RAB39A: variants seen among roughly 807,000 people sequenced by gnomAD.
RAB39A encodes RAB39A, member RAS oncogene family, also known as ras-related protein Rab-39A.
In RAB39A, 17 loss-of-function variants were observed where a neutral mutation model predicts 20.9. The observed-to-expected ratio is 0.81, with a 90% CI of 0.56 to 1.22. The LOEUF is 1.22. Ranked by LOEUF, RAB39A falls within the 50% of genes most tolerant of loss-of-function variation. The pLI, the probability that RAB39A is intolerant of heterozygous loss-of-function variation, is 0.00. For missense variants in RAB39A, 234 were observed against 270.5 expected (o/e 0.87, Z 0.95); for synonymous variants, 99 against 103.4 (o/e 0.96, Z 0.26).
intron 1 of RAB39A, among the ~76,000 whole-genome samples, chr11:107,930,897 C>A (rs762713340): frequency 9.6e-4 from 144 of 150,654 alleles, no homozygotes; most frequent in Middle Eastern, 3.5e-3. Flanking sequence ...AACTTATTGA[C>A]AAGAAATTAA....
intron 1 of RAB39A, among the ~76,000 whole-genome samples, chr11:107,958,683 G>A (rs1048616639): frequency 2.6e-5 from 4 of 152,118 alleles, no homozygotes; most frequent in African/African-American, 7.2e-5. Flanking sequence ...TTTTTATAAT[G>A]TGTATTACAT....
chr11:107,947,982 A>G (rs1259582711), intron 1 of RAB39A, among the ~76,000 whole-genome samples: 1 of 2,126 alleles, frequency 4.7e-4, no homozygotes, highest in Non-Finnish European at 5.6e-3. Flanking sequence ...ACACACACGT[A>G]CACACACACA....
At chr11:107,947,400 C>T (rs1861330141) in intron 1 of RAB39A, among the ~76,000 whole-genome samples, 3 of 152,266 alleles carry the variant, frequency 2.0e-5, no homozygotes, top group Admixed American at 2.0e-4. Context: ...AGCCACCGCG[C>T]CTGGCCAAGA....
intron 1 of RAB39A, among the ~76,000 whole-genome samples, chr11:107,932,863 G>T (rs372252277): frequency 1.6e-4 from 25 of 151,984 alleles, no homozygotes; most frequent in African/African-American, 5.1e-4. Context: ...GGTGTGTGCC[G>T]CCATGCCCAG....
chr11:107,928,741 C>T lies in RAB39A; in HGVS notation c.173C>T (p.Pro58Leu). 1.2e-6 allele frequency: 2 copies of T among 1,608,308 alleles called. No homozygotes were observed. The highest frequency in any genetic ancestry group is 1.7e-6 in the Non-Finnish European group (2 of 1,177,014). The change falls in exon 1 of 2, where the codon CCG becomes CTG. Residue 58 changes from proline (P) to leucine (L), a missense_variant. Pro to Leu is a moderately conservative substitution (Grantham distance 98). Coordinates refer to ENST00000320578, the MANE Select transcript of RAB39A (RefSeq NM_017516.3). The surrounding 1 kb of genome is among the most constrained non-coding windows in gnomAD (Gnocchi z 4.9). ...TTCTCCCGCCTGCTGGAGATCGAGC[C>T]GGGCAAGAGGATCAAGCTACAGCTC... ...DFFSRLLEIE[P>L]GKRIKLQLWD...
intron 1 of RAB39A, among the ~76,000 whole-genome samples, chr11:107,933,876 G>A (rs879641280): frequency 1.3e-5 from 2 of 151,174 alleles, no homozygotes; most frequent in African/African-American, 4.9e-5. Context: ...GGCTGGTCTC[G>A]AACTCCTGAC....
At chr11:107,946,456 ATATATTTTTTTTTTTT>A in intron 1 of RAB39A, among the ~76,000 whole-genome samples, 1 of 43,570 alleles carries the variant, frequency 2.3e-5, no homozygotes, top group East Asian at 6.0e-4. Flanking sequence ...ATATATATAT[ATATATTTTTTTTTTTT>A]TTTTTTTTTT....
chr11:107,962,134 G>C lies in RAB39A; in HGVS notation c.416G>C (p.Arg139Thr). 6.2e-7 allele frequency: 1 copy of C among 1,614,116 alleles called. No homozygotes were observed. ...TTAGCTTCACAACGTCAAGTTACAA[G>C]GGAAGAAGCTGAAAAACTGTCAGCA... The part of the protein sequence containing the change: ...CDLASQRQVT[R>T]EEAEKLSADC... The change falls in exon 2 of 2, where the codon AGG becomes ACG. Residue 139 changes from arginine (R) to threonine (T), a missense_variant. Transcript: ENST00000320578.
At chr11:107,957,334 AT>A (rs113165223) in intron 1 of RAB39A, among the ~76,000 whole-genome samples, 11,627 of 152,174 alleles carry the variant, frequency 0.076, 518 homozygotes, top group African/African-American at 0.13. Flanking sequence ...GGAGCAGGAG[AT>A]TTTTTTTACA....
chr11:107,929,708 AG>A (rs1861117609), intron 1 of RAB39A, among the ~76,000 whole-genome samples: 1 of 152,194 alleles, frequency 6.6e-6, no homozygotes, highest in Non-Finnish European at 1.5e-5. Context: ...GGTTTCACAA[AG>A]GCGACTTGTG....
At chr11:107,935,964 G>GGTGT (rs1314934574) in intron 1 of RAB39A, among the ~76,000 whole-genome samples, 1 of 140,894 alleles carries the variant, frequency 7.1e-6, no homozygotes, top group Admixed American at 7.6e-5. Context: ...GGAGGGCAGT[G>GGTGT]GTGTCATCCT....
chr11:107,946,073 A>T (rs1861303906), intron 1 of RAB39A, among the ~76,000 whole-genome samples: 1 of 152,000 alleles, frequency 6.6e-6, no homozygotes, highest in South Asian at 2.1e-4. Context: ...ATGGTCCAGC[A>T]TGATCATCTT....
Position 107,962,042 on chromosome 11 carries a change from A to T in RAB39A, c.324A>T (p.Leu108=). Residue 108 remains leucine (L), a synonymous_variant, in exon 2 of 2, where the codon CTA becomes CTT. Transcript: ENST00000320578. ...RRSFEHVKDW[L]EEAKMYVQPF... ...CTTTTGAACATGTGAAAGATTGGCT[A>T]GAAGAAGCAAAAATGTATGTACAGC... 1 of 1,614,148 alleles carries T rather than the reference A, an allele frequency of 6.2e-7. No individual in the cohort carries two copies. Among genetic ancestry groups the T allele is most frequent in the Non-Finnish European group, 8.5e-7 (1 of 1,179,992 alleles).
At chr11:107,961,795 T>C in intron 1 of RAB39A, 151 bp from the exon 2 acceptor site, 1 of 651,806 alleles carries the variant, frequency 1.5e-6, no homozygotes, top group Non-Finnish European at 2.5e-6. Context: ...TAGAATATTT[T>C]TGTTCACTTG....
chr11:107,930,983 T>TA (rs2134945628), intron 1 of RAB39A, among the ~76,000 whole-genome samples: 1 of 151,706 alleles, frequency 6.6e-6, no homozygotes, highest in East Asian at 1.9e-4. Flanking sequence ...TTAACTTTTT[T>TA]TTTTTTTTTT....
chr11:107,932,645 G>A (rs1173088072), intron 1 of RAB39A, among the ~76,000 whole-genome samples: 1 of 152,214 alleles, frequency 6.6e-6, no homozygotes, highest in African/African-American at 2.4e-5. Flanking sequence ...ATGTGCCTAG[G>A]ATGTAGGAAA....
intron 1 of RAB39A, among the ~76,000 whole-genome samples, chr11:107,954,513 G>C (rs10890784): frequency 6.6e-6 from 1 of 151,860 alleles, no homozygotes; most frequent in South Asian, 2.1e-4. Context: ...CTTTACCTAC[G>C]TCTCTCCAAC....
chr11:107,956,748 G>T (rs1167891078), intron 1 of RAB39A, among the ~76,000 whole-genome samples: 1 of 152,204 alleles, frequency 6.6e-6, no homozygotes, highest in Non-Finnish European at 1.5e-5. Flanking sequence ...CTGGTTGAGT[G>T]ATTTTCCCCG....
At chr11:107,933,377 CTTTTTTTT>C (rs71047649) in intron 1 of RAB39A, among the ~76,000 whole-genome samples, 1,288 of 73,084 alleles carry the variant, frequency 0.018, 15 homozygotes, top group Middle Eastern at 0.089. Context: ...TTTATTCTTT[CTTTTTTTT>C]TTTTTTTTTT....
Sources: gnomAD v4.1 joint callset for allele counts (sites outside exome capture counted in the v4.1 genomes callset) on GRCh38, gnomAD v4.1.1 for gene constraint, Gnocchi (gnomAD v3.1) non-coding constraint, MANE v1.5 for transcripts, NCBI Gene and HGNC (gene_info 2026-07-23, HGNC 2026-07-21) for gene names.